Variants in ATP13A5 observed in about 807,000 individuals in gnomAD.
ATP13A5 encodes the protein ATPase 13A5.
Under a neutral mutation model 150.2 loss-of-function variants are expected in ATP13A5, and 149 were observed. The ratio of observed to expected loss-of-function variants is 0.99; its 90% CI spans 0.87 to 1.14. The LOEUF is 1.14. Ranked by LOEUF, ATP13A5 falls within the 50% of genes most tolerant of loss-of-function variation. The pLI, the probability that ATP13A5 is intolerant of heterozygous loss-of-function variation, is 0.00. For missense variants in ATP13A5, 1,383 were observed against 1,449.3 expected, an observed-to-expected ratio of 0.95 and a Z score of 0.74; for synonymous variants, 497 against 522.2, an observed-to-expected ratio of 0.95 and a Z score of 0.66.
At chr3:193,344,267 G>C (rs1367455329) in intron 8 of ATP13A5, among the ~76,000 whole-genome samples, 1 of 152,130 alleles carries the variant, frequency 6.6e-6, no homozygotes, top group Middle Eastern at 3.2e-3. Flanking sequence ...TAAGCAACAG[G>C]ATCCCATCTT....
At chr3:193,374,419 C>T (rs1021720447) in intron 1 of ATP13A5, among the ~76,000 whole-genome samples, 3 of 151,934 alleles carry the variant, frequency 2.0e-5, no homozygotes, top group Non-Finnish European at 2.9e-5. Context: ...GAGGCAGGAA[C>T]ATCACTTGAG....
rs773296914 is a variant in ATP13A5 at position 193,363,365 on chromosome 3, A to G, written c.255T>C (p.Tyr85=). ...LLRTTDEFQR[Y]MRKKVFCLYL... ...AGAGGCAGAATACCTTCTTCCTCAT[A>G]TATCTTTGAAATTCGTCCTGGAAAA... Residue 85 remains tyrosine, a synonymous_variant, in exon 3 of 30, where the codon TAT becomes TAC. Coordinates refer to ENST00000342358, the MANE Select transcript of ATP13A5 (RefSeq NM_198505.4). The G allele has an allele frequency of 1.2e-6, 2 of 1,611,624 alleles. No individual in the cohort carries two copies. Among genetic ancestry groups the G allele is most frequent in the South Asian group, 1.1e-5 (1 of 90,390 alleles).
At chr3:193,307,457 A>AC in intron 21 of ATP13A5, 88 bp from the exon 22 acceptor site, 1 of 1,488,750 alleles carries the variant, frequency 6.7e-7, no homozygotes, top group Non-Finnish European at 9.3e-7. Flanking sequence ...GTCACATGTG[A>AC]TTTGTGTGTA....
chr3:193,361,580 G>A (rs1187973244), intron 5 of ATP13A5, among the ~76,000 whole-genome samples: 1 of 152,318 alleles, frequency 6.6e-6, no homozygotes, highest in East Asian at 1.9e-4. Flanking sequence ...AGAAATAAAG[G>A]TGATTATAAG....
In ATP13A5 at chr3:193,307,351, A is replaced by C; in HGVS notation, c.2544T>G (p.Cys848Trp). 6.2e-7 allele frequency: 1 copy of C among 1,613,884 alleles called. No individual in the cohort carries two copies. Residue 848 changes from cysteine (C) to tryptophan (W), a missense_variant, in exon 22 of 30, where the codon TGT becomes TGG. Coordinates refer to ENST00000342358, the MANE Select transcript of ATP13A5 (RefSeq NM_198505.4). ...CCCCACAGTCGTTAGCTCCATCTCCACACATGCCCACATAATAACTGCGGG... is the reference window on the plus strand; with the variant it reads ...CCCCACAGTCGTTAGCTCCATCTCCCCACATGCCCACATAATAACTGCGGG... Reference protein sequence around the residue: ...FQKLNYYVGMCGDGANDCGAL... With the variant: ...FQKLNYYVGMWGDGANDCGAL...
intron 11 of ATP13A5, among the ~76,000 whole-genome samples, chr3:193,332,313 T>C (rs10433365): frequency 0.83 from 126,407 of 152,158 alleles, 52,717 homozygotes; most frequent in East Asian, 0.95. Flanking sequence ...ACTGTGAGTC[T>C]CTTAAACCTC....
intron 9 of ATP13A5, among the ~76,000 whole-genome samples, chr3:193,338,987 A>T (rs550448396): frequency 6.6e-6 from 1 of 152,284 alleles, no homozygotes; most frequent in Admixed American, 6.5e-5. Flanking sequence ...CGAGGAATTT[A>T]TCAATTTCTT....
At chr3:193,294,722 G>A (rs1287700458) in intron 25 of ATP13A5, among the ~76,000 whole-genome samples, 1 of 151,944 alleles carries the variant, frequency 6.6e-6, no homozygotes, top group East Asian at 1.9e-4. Context: ...TTTACAATGG[G>A]GTTACATTCT....
intron 26 of ATP13A5, among the ~76,000 whole-genome samples, chr3:193,289,444 AT>A (rs1386141085): frequency 6.6e-6 from 1 of 152,054 alleles, no homozygotes; most frequent in Non-Finnish European, 1.5e-5. Context: ...TCATCACCTG[AT>A]TTTGTAGATA....
chr3:193,373,017 A>T (rs9851984), intron 1 of ATP13A5, among the ~76,000 whole-genome samples: 2 of 152,042 alleles, frequency 1.3e-5, no homozygotes, highest in Non-Finnish European at 2.9e-5. Context: ...TTTACTTTTC[A>T]GTTTTAATCC....
chr3:193,311,664 C>T, intron 20 of ATP13A5, 152 bp downstream of exon 20: 1 of 1,123,640 alleles, frequency 8.9e-7, no homozygotes, highest in Non-Finnish European at 1.2e-6. Flanking sequence ...TAAAAAGGGC[C>T]AGAAAACTTT....
At chr3:193,374,211 A>C (rs1176119309) in intron 1 of ATP13A5, among the ~76,000 whole-genome samples, 1 of 152,102 alleles carries the variant, frequency 6.6e-6, no homozygotes, top group Non-Finnish European at 1.5e-5. Flanking sequence ...CCTATCGGTC[A>C]TTGAGAACGT....
chr3:193,305,911 G>T (rs1348641966), intron 22 of ATP13A5, among the ~76,000 whole-genome samples: 1 of 152,000 alleles, frequency 6.6e-6, no homozygotes, highest in East Asian at 1.9e-4. Flanking sequence ...GTGTGCATGT[G>T]GGCATGTGCA....
chr3:193,334,012 C>T, intron 10 of ATP13A5, 105 bp from the exon 11 acceptor site: 2 of 993,070 alleles, frequency 2.0e-6, no homozygotes, highest in Non-Finnish European at 2.9e-6. Context: ...GTCCTCTAAC[C>T]TTCTACCTAA....
intron 17 of ATP13A5, 121 bp downstream of exon 17, chr3:193,318,870 A>G (rs1325302492): frequency 1.4e-6 from 1 of 723,066 alleles, no homozygotes; most frequent in African/African-American, 1.7e-5. Flanking sequence ...GGGACTGTAC[A>G]AGATTAATTC....
intron 5 of ATP13A5, among the ~76,000 whole-genome samples, chr3:193,359,898 T>C (rs1034540565): frequency 2.0e-5 from 3 of 152,122 alleles, no homozygotes; most frequent in Non-Finnish European, 4.4e-5. Context: ...ACTCCTTTTA[T>C]TTTCTGCAGC....
intron 23 of ATP13A5, among the ~76,000 whole-genome samples, chr3:193,303,101 C>G (rs1007900752): frequency 3.9e-5 from 6 of 152,194 alleles, no homozygotes; most frequent in African/African-American, 1.4e-4. Flanking sequence ...GGAGCTCAAA[C>G]TCCCTGCAAG....
chr3:193,367,405 T>G (rs540469151), intron 1 of ATP13A5, among the ~76,000 whole-genome samples: 1 of 152,140 alleles, frequency 6.6e-6, no homozygotes, highest in South Asian at 2.1e-4. Flanking sequence ...TTTGAAATAT[T>G]TAAGATAGAA....
chr3:193,375,097 A>G (rs1713592208), intron 1 of ATP13A5, among the ~76,000 whole-genome samples: 1 of 152,196 alleles, frequency 6.6e-6, no homozygotes, highest in Non-Finnish European at 1.5e-5. Flanking sequence ...ACCAAGACAA[A>G]TATACTCAAG....
Sources: allele counts gnomAD v4.1 joint callset (sites outside exome capture counted in the v4.1 genomes callset), GRCh38; gene constraint gnomAD v4.1.1; transcripts MANE v1.5; gene names NCBI Gene and HGNC (gene_info 2026-07-23, HGNC 2026-07-21).